AFAP1: variants seen among roughly 807,000 people sequenced by gnomAD.
AFAP1 encodes actin filament-associated protein 1.
Under a neutral mutation model 93.9 loss-of-function variants are expected in AFAP1, and 75 were observed. The ratio of observed to expected loss-of-function variants is 0.80; its 90% confidence interval spans 0.66 to 0.97. The LOEUF (loss-of-function observed/expected upper bound fraction) is 0.97, where lower values mean the gene tolerates loss of function less well. AFAP1 is among the 50% of genes least tolerant of loss of function. The pLI, the probability that AFAP1 is intolerant of heterozygous loss-of-function variation, is 0.00. For synonymous variants in AFAP1, 517 were observed against 430.7 expected (o/e 1.20, Z -2.48); for missense variants, 1,201 against 1,050.8 (o/e 1.14, Z -1.98).
intron 4 of AFAP1, among the ~76,000 whole-genome samples, chr4:7,849,726 G>A (rs1714220282): frequency 6.6e-6 from 1 of 152,200 alleles, no homozygotes; most frequent in African/African-American, 2.4e-5. Context: ...ACACAACTCT[G>A]TGGAAGGCAA....
intron 1 of AFAP1, among the ~76,000 whole-genome samples, chr4:7,909,997 T>A (rs1383025498): frequency 6.6e-6 from 1 of 152,196 alleles, no homozygotes; most frequent in African/African-American, 2.4e-5. Flanking sequence ...AAGAAGCCAA[T>A]CTCAGAGATT....
chr4:7,867,359 C>T (rs900392597), intron 3 of AFAP1, among the ~76,000 whole-genome samples: 1 of 152,188 alleles, frequency 6.6e-6, no homozygotes, highest in African/African-American at 2.4e-5. Context: ...ACAGAGGTTA[C>T]ATTAATCTCC....
chr4:7,868,689 T>G lies in AFAP1; in HGVS notation c.158A>C (p.Gln53Pro). The G allele has an allele frequency of 6.2e-7, 1 of 1,613,582 alleles. No individual in the cohort carries two copies. The highest frequency in any genetic ancestry group is 8.5e-7 in the Non-Finnish European group (1 of 1,179,944). Reference sequence around the variant, plus strand: ...GGCTGGCAGGCTGTTAGCGGTCTCCTGCTTCTGAGCATGGTCCTTCACATC... The same window carrying G: ...GGCTGGCAGGCTGTTAGCGGTCTCCGGCTTCTGAGCATGGTCCTTCACATC... Reference protein sequence around the residue: ...GFDVKDHAQKQETANSLPAPP... With the variant: ...GFDVKDHAQKPETANSLPAPP... Residue 53 changes from glutamine (Q) to proline (P), a missense_variant, in exon 3 of 18, where the codon CAG (glutamine) becomes CCG (proline). Gln to Pro is a moderately conservative substitution (Grantham distance 76). Transcript: ENST00000420658.
chr4:7,855,714 G>A, intron 3 of AFAP1, 140 bp from the exon 4 acceptor site: 2 of 731,734 alleles, frequency 2.7e-6, no homozygotes, highest in South Asian at 3.3e-5. Context: ...ATCCTACGAA[G>A]AGGCTTGGAA....
chr4:7,841,535 G>T (rs1713016645), intron 5 of AFAP1, among the ~76,000 whole-genome samples: 1 of 152,214 alleles, frequency 6.6e-6, no homozygotes. Flanking sequence ...GCGGTAACTT[G>T]TGGGAAGACA....
At chr4:7,800,310 G>A (rs1357187346) in intron 10 of AFAP1, 132 bp downstream of exon 10, 15 of 899,658 alleles carry the variant, frequency 1.7e-5, no homozygotes, top group Non-Finnish European at 2.6e-5. Context: ...TGAGAGAAAA[G>A]AGGGTGGGCC....
intron 1 of AFAP1, among the ~76,000 whole-genome samples, chr4:7,910,948 G>T (rs1266043704): frequency 6.6e-6 from 1 of 152,184 alleles, no homozygotes; most frequent in Non-Finnish European, 1.5e-5. Flanking sequence ...CCAGAGCACC[G>T]AGGGGTGGAT....
chr4:7,886,719 T>G (rs1157798586), intron 1 of AFAP1, among the ~76,000 whole-genome samples: 2 of 152,214 alleles, frequency 1.3e-5, no homozygotes, highest in African/African-American at 4.8e-5. Flanking sequence ...GATCTGGGTA[T>G]GTTTTTTGCT....
At chr4:7,778,697 A>G in intron 14 of AFAP1, 65 bp downstream of exon 14, 1 of 1,512,742 alleles carries the variant, frequency 6.6e-7, no homozygotes, top group Non-Finnish European at 9.2e-7. Context: ...GGGCAGGCTC[A>G]GACAGGCCCA....
chr4:7,810,361 C>A (rs1308755367), intron 8 of AFAP1, among the ~76,000 whole-genome samples: 1 of 152,174 alleles, frequency 6.6e-6, no homozygotes, highest in Admixed American at 6.5e-5. Flanking sequence ...TAATAATTAG[C>A]CATGCACATC....
In AFAP1 at chr4:7,935,513, C is replaced by G. The variant is rs376064623; in HGVS notation, c.-3+4143G>C. Among the ~76,000 whole-genome samples the G allele has an allele frequency of 3.3e-4, 51 of 152,266 alleles. No individual in the cohort carries two copies. The South Asian group carries it at 8.1e-3, about 24-fold the overall frequency. On this transcript the variant is annotated intron_variant, in intron 1 of 17. Coordinates refer to ENST00000420658, the MANE Select transcript of AFAP1 (RefSeq NM_001134647.2). ...AAACAGAAAATAAAACAGCAGGTGACATGGGAGAGAGAGGAAGGTAGACAG... is the reference window on the plus strand; with the variant it reads ...AAACAGAAAATAAAACAGCAGGTGAGATGGGAGAGAGAGGAAGGTAGACAG...
At chr4:7,863,139 G>A (rs577807100) in intron 3 of AFAP1, among the ~76,000 whole-genome samples, 1 of 152,246 alleles carries the variant, frequency 6.6e-6, no homozygotes, top group Non-Finnish European at 1.5e-5. Context: ...TGAAAAGCCA[G>A]GCGCGGTGGC....
chr4:7,813,421 T>C (rs564027783), intron 8 of AFAP1, among the ~76,000 whole-genome samples: 1 of 152,356 alleles, frequency 6.6e-6, no homozygotes, highest in African/African-American at 2.4e-5. Context: ...TAGAAGGTTG[T>C]TCTTGTTAAG....
intron 9 of AFAP1, among the ~76,000 whole-genome samples, chr4:7,802,155 G>C (rs1373436022): frequency 6.6e-6 from 1 of 152,140 alleles, no homozygotes. Context: ...AATTTTCATT[G>C]GCTGAATATG....
chr4:7,924,209 C>T (rs56935919), intron 1 of AFAP1, among the ~76,000 whole-genome samples: 17,587 of 152,144 alleles, frequency 0.12, 1,146 homozygotes, highest in East Asian at 0.25. Context: ...CCTGTAGTTC[C>T]GTTTATCTTT....
chr4:7,913,335 A>T (rs1272303700), intron 1 of AFAP1, among the ~76,000 whole-genome samples: 1 of 149,566 alleles, frequency 6.7e-6, no homozygotes, highest in African/African-American at 2.5e-5. Flanking sequence ...GGCTGCAGTG[A>T]GCCATGATCG....
At chr4:7,821,334 C>T (rs879312166) in intron 6 of AFAP1, among the ~76,000 whole-genome samples, 21 of 152,154 alleles carry the variant, frequency 1.4e-4, no homozygotes, top group Admixed American at 5.9e-4. Flanking sequence ...GAAGCAACAC[C>T]GTCATTACTG....
chr4:7,898,737 A>G (rs904922450), intron 1 of AFAP1, among the ~76,000 whole-genome samples: 1 of 150,672 alleles, frequency 6.6e-6, no homozygotes, highest in Non-Finnish European at 1.5e-5. Flanking sequence ...CTCTCAACTA[A>G]GCACATCTAT....
intron 11 of AFAP1, among the ~76,000 whole-genome samples, chr4:7,791,678 C>A (rs954850629): frequency 6.8e-6 from 1 of 147,984 alleles, no homozygotes; most frequent in East Asian, 2.0e-4. Context: ...ATAATAAGAC[C>A]CCGTCTCTAC....
Sources: allele counts gnomAD v4.1 joint callset (sites outside exome capture counted in the v4.1 genomes callset), GRCh38; gene constraint gnomAD v4.1.1; transcripts MANE v1.5; gene names NCBI Gene and HGNC (gene_info 2026-07-23, HGNC 2026-07-21).